Variants in PTPRD observed in about 807,000 individuals in gnomAD.
PTPRD encodes protein tyrosine phosphatase receptor type D, also known as receptor-type tyrosine-protein phosphatase delta.
A neutral mutation model predicts 214.5 loss-of-function variants in PTPRD; 34 were observed. The ratio of observed to expected loss-of-function variants is 0.16; its 90% CI spans 0.12 to 0.21. The LOEUF is 0.21. Ranked by LOEUF, PTPRD falls within the 10% of genes least tolerant of loss-of-function variation. The probability of loss-of-function intolerance (pLI) is 1.00; values close to 1 mark genes in which losing one functional copy is unlikely to be tolerated. For synonymous variants in PTPRD, 1,128 were observed against 845.7 expected (o/e 1.33, Z -5.79); for missense variants, 2,545 against 2,398.7 (o/e 1.06, Z -1.27).
intron 9 of PTPRD, among the ~76,000 whole-genome samples, chr9:9,342,932 T>C (rs1371298855): frequency 6.6e-6 from 1 of 152,104 alleles, no homozygotes; most frequent in Non-Finnish European, 1.5e-5. Flanking sequence ...CTTCCCTGTT[T>C]CCATGTGTTC....
chr9:8,549,613 G>A (rs1001560280), intron 14 of PTPRD, among the ~76,000 whole-genome samples: 1 of 152,200 alleles, frequency 6.6e-6, no homozygotes. Context: ...AAAAATATGT[G>A]TGAATATTTG....
rs1226136364 is a variant in PTPRD at position 9,172,295 on chromosome 9, C to T, written c.-143+11009G>A. Among the ~76,000 whole-genome samples, 3 of 152,210 alleles carry T rather than the reference C, an allele frequency of 2.0e-5. No individual in the cohort carries two copies. In the East Asian group the frequency reaches 5.8e-4, roughly 29 times the overall value. On this transcript the variant is annotated intron_variant, in intron 10 of 45. Transcript: ENST00000381196. ...CTTTGAATCAATTTCCTTTCAGTGG[C>T]AAAATGTACTTTCCCTAAAGAAACA...
intron 8 of PTPRD, among the ~76,000 whole-genome samples, chr9:9,473,951 G>C (rs2094823002): frequency 1.3e-5 from 2 of 151,706 alleles, no homozygotes; most frequent in Admixed American, 6.6e-5. Context: ...TTGCTTTACG[G>C]AAGCTTTTTT....
At chr9:9,296,240 G>A (rs1011397005) in intron 9 of PTPRD, among the ~76,000 whole-genome samples, 5 of 151,686 alleles carry the variant, frequency 3.3e-5, no homozygotes, top group African/African-American at 1.2e-4. Context: ...TTTATATTCT[G>A]AGTTTACCAT....
intron 3 of PTPRD, among the ~76,000 whole-genome samples, chr9:10,244,448 G>T (rs1383421204): frequency 6.6e-6 from 1 of 152,096 alleles, no homozygotes; most frequent in Non-Finnish European, 1.5e-5. Context: ...TGTGGCATGA[G>T]GTCCAACTGA....
At chr9:10,029,787 C>T (rs1217004) in intron 4 of PTPRD, among the ~76,000 whole-genome samples, 64,930 of 151,920 alleles carry the variant, frequency 0.43, 16,433 homozygotes, top group African/African-American at 0.69. Context: ...GTTAAGACTT[C>T]GAGGGTCTGT....
At chr9:9,871,130 T>C (rs922948626) in intron 5 of PTPRD, among the ~76,000 whole-genome samples, 1 of 152,154 alleles carries the variant, frequency 6.6e-6, no homozygotes, top group Non-Finnish European at 1.5e-5. Flanking sequence ...AGGTGTTATA[T>C]GAAAACTTGA....
chr9:9,795,748 T>G (rs1040744342), intron 5 of PTPRD, among the ~76,000 whole-genome samples: 4 of 151,748 alleles, frequency 2.6e-5, no homozygotes, highest in Non-Finnish European at 1.5e-5. Context: ...GTTGCATGGT[T>G]TATGTTTCCT....
At chr9:8,354,274 C>T (rs1405322924) in intron 39 of PTPRD, among the ~76,000 whole-genome samples, 1 of 151,896 alleles carries the variant, frequency 6.6e-6, no homozygotes, top group East Asian at 1.9e-4. Context: ...TTCACTTCCA[C>T]AAAGTCAAAC....
At chr9:10,258,943 G>A (rs535520654) in intron 3 of PTPRD, among the ~76,000 whole-genome samples, 1 of 152,274 alleles carries the variant, frequency 6.6e-6, no homozygotes, top group East Asian at 1.9e-4. Flanking sequence ...AAACAGTATT[G>A]TTGAACTTAT....
At chr9:10,441,192 T>A (rs1029016950) in intron 2 of PTPRD, among the ~76,000 whole-genome samples, 1 of 151,638 alleles carries the variant, frequency 6.6e-6, no homozygotes, top group African/African-American at 2.4e-5. Flanking sequence ...AAAATGAAAA[T>A]CTTTCATATT....
At position 8,517,931 on chromosome 9, in the gene PTPRD, G is replaced by T. The variant is rs2097815321; in HGVS notation, c.1460C>A (p.Thr487Lys). 6.2e-7 allele frequency: 1 copy of T among 1,614,052 alleles called. No homozygotes were observed. Among genetic ancestry groups the T allele is most frequent in the African/African-American group, 1.3e-5 (1 of 74,928 alleles). ...TTIGNLVPQKTYSVKVLAFTS... is the reference protein window; with the variant it reads ...TTIGNLVPQKKYSVKVLAFTS... Reference sequence around the variant, plus strand: ...AAAAGCCAGGACTTTGACAGAATATGTTTTCTGGGGCACTAAGTTGCCAAT... The same window carrying T: ...AAAAGCCAGGACTTTGACAGAATATTTTTTCTGGGGCACTAAGTTGCCAAT... The change falls in exon 21 of 46, where the codon ACA becomes AAA. Residue 487 changes from threonine to lysine, a missense_variant. Thr to Lys is a moderately conservative substitution (Grantham distance 78). Coordinates refer to ENST00000381196, the MANE Select transcript of PTPRD (RefSeq NM_002839.4).
intron 5 of PTPRD, among the ~76,000 whole-genome samples, chr9:9,836,650 C>T (rs2056849685): frequency 6.6e-6 from 1 of 152,132 alleles, no homozygotes; most frequent in Admixed American, 6.6e-5. Flanking sequence ...CTGTGTGCTT[C>T]TATGGAGCAT....
chr9:9,840,363 C>G (rs1234523241), intron 5 of PTPRD, among the ~76,000 whole-genome samples: 1 of 152,016 alleles, frequency 6.6e-6, no homozygotes, highest in African/African-American at 2.4e-5. Flanking sequence ...CAAATTTAAT[C>G]AGATTTGAAA....
chr9:10,253,576 T>A (rs1002348016), intron 3 of PTPRD, among the ~76,000 whole-genome samples: 1 of 152,220 alleles, frequency 6.6e-6, no homozygotes, highest in Non-Finnish European at 1.5e-5. Context: ...CTAATTATAA[T>A]TGAGTTTCAT....
intron 2 of PTPRD, among the ~76,000 whole-genome samples, chr9:10,420,555 C>CG (rs138352825): frequency 0.01 from 1,537 of 151,618 alleles, 21 homozygotes; most frequent in African/African-American, 0.035. Context: ...GTACAAACGA[C>CG]GGGGGGGCTG....
At chr9:9,249,579 G>A (rs1016025696) in intron 9 of PTPRD, among the ~76,000 whole-genome samples, 1 of 151,948 alleles carries the variant, frequency 6.6e-6, no homozygotes, top group Non-Finnish European at 1.5e-5. Flanking sequence ...GTCACTGATT[G>A]CCTGGCTTTG....
At chr9:10,010,871 C>A (rs918349829) in intron 4 of PTPRD, among the ~76,000 whole-genome samples, 14 of 151,348 alleles carry the variant, frequency 9.3e-5, no homozygotes, top group African/African-American at 3.2e-4. Context: ...CAAACCAAGG[C>A]AATAATTGTT....
chr9:9,282,462 T>C (rs1228303784), intron 9 of PTPRD, among the ~76,000 whole-genome samples: 3 of 151,392 alleles, frequency 2.0e-5, no homozygotes, highest in Non-Finnish European at 4.4e-5. Flanking sequence ...TTCTATTGGA[T>C]GCTAAATCTT....
Sources: gnomAD v4.1 joint callset for allele counts (sites outside exome capture counted in the v4.1 genomes callset) on GRCh38, gnomAD v4.1.1 for gene constraint, MANE v1.5 for transcripts, NCBI Gene and HGNC (gene_info 2026-07-23, HGNC 2026-07-21) for gene names.